Variants in MEF2A observed in about 807,000 individuals in gnomAD.
The protein encoded by MEF2A is myocyte-specific enhancer factor 2A.
A neutral mutation model predicts 55.8 loss-of-function variants in MEF2A; 28 were observed. The ratio of observed to expected loss-of-function variants is 0.50; its 90% CI spans 0.37 to 0.69. The LOEUF (loss-of-function observed/expected upper bound fraction) is 0.69, where lower values mean the gene tolerates loss of function less well. Ranked by LOEUF, MEF2A falls within the 30% of genes least tolerant of loss-of-function variation. The pLI is 0.00. For missense variants in MEF2A, 528 were observed against 626.2 expected (o/e 0.84, Z 1.67); for synonymous variants, 239 against 227.1 (o/e 1.05, Z -0.47).
intron 1 of MEF2A, among the ~76,000 whole-genome samples, chr15:99,592,520 T>G (rs1171324265): frequency 6.6e-6 from 1 of 152,186 alleles, no homozygotes; most frequent in African/African-American, 2.4e-5. Context: ...GGGAATAACT[T>G]AGACTGGATA....
chr15:99,663,289 A>AT (rs1219734071), intron 4 of MEF2A, among the ~76,000 whole-genome samples: 1 of 152,112 alleles, frequency 6.6e-6, no homozygotes, highest in African/African-American at 2.4e-5. Flanking sequence ...GATAATCCTG[A>AT]TTTATTTACT....
intron 2 of MEF2A, among the ~76,000 whole-genome samples, chr15:99,632,746 C>G (rs966096221): frequency 6.6e-6 from 1 of 152,114 alleles, no homozygotes; most frequent in African/African-American, 2.4e-5. Context: ...TTGAGAAAAC[C>G]TCAAACATTA....
intron 4 of MEF2A, among the ~76,000 whole-genome samples, chr15:99,652,947 T>C (rs2153523781): frequency 6.6e-6 from 1 of 152,346 alleles, no homozygotes; most frequent in East Asian, 1.9e-4. Flanking sequence ...AATAAGATGA[T>C]ATGCTGGCTA....
intron 4 of MEF2A, among the ~76,000 whole-genome samples, chr15:99,669,839 A>C (rs2050502089): frequency 6.6e-6 from 1 of 152,240 alleles, no homozygotes; most frequent in Non-Finnish European, 1.5e-5. Context: ...ATCATATTTT[A>C]AAGGATACTA....
At chr15:99,568,254 G>A (rs762991416) in intron 1 of MEF2A, among the ~76,000 whole-genome samples, 5 of 152,172 alleles carry the variant, frequency 3.3e-5, no homozygotes, top group Non-Finnish European at 7.4e-5. Context: ...ATGTCACCAT[G>A]TTGAATTATG....
intron 4 of MEF2A, among the ~76,000 whole-genome samples, chr15:99,667,914 T>C (rs1253595594): frequency 6.6e-6 from 1 of 152,242 alleles, no homozygotes; most frequent in Non-Finnish European, 1.5e-5. Flanking sequence ...AAGAGATATT[T>C]AGTTTTTTGG....
At chr15:99,582,277 G>A (rs954880486) in intron 1 of MEF2A, among the ~76,000 whole-genome samples, 1 of 152,084 alleles carries the variant, frequency 6.6e-6, no homozygotes, top group Non-Finnish European at 1.5e-5. Context: ...TTCTTTGATT[G>A]TTTGAAGGGA....
At chr15:99,641,017 C>T (rs770090483) in intron 3 of MEF2A, among the ~76,000 whole-genome samples, 4 of 152,086 alleles carry the variant, frequency 2.6e-5, no homozygotes, top group South Asian at 2.1e-4. Context: ...CCTGTGATCT[C>T]GCACGTATTT....
At chr15:99,693,074 C>G (rs2055800410) in intron 8 of MEF2A, among the ~76,000 whole-genome samples, 1 of 152,128 alleles carries the variant, frequency 6.6e-6, no homozygotes, top group African/African-American at 2.4e-5. Context: ...GGATATGAAG[C>G]TTGTGGTAGG....
intron 8 of MEF2A, among the ~76,000 whole-genome samples, chr15:99,697,065 AT>A (rs1052418797): frequency 1.0e-4 from 15 of 148,590 alleles, no homozygotes; most frequent in African/African-American, 3.4e-4. Context: ...AAAAAAAAAA[AT>A]CTCAATGAAC....
intron 8 of MEF2A, among the ~76,000 whole-genome samples, chr15:99,700,026 AT>A (rs2057160169): frequency 1.4e-5 from 2 of 141,562 alleles, no homozygotes; most frequent in Non-Finnish European, 3.1e-5. Flanking sequence ...GTGGAGACTA[AT>A]TTTTGTATTT....
intron 8 of MEF2A, among the ~76,000 whole-genome samples, chr15:99,699,268 T>C (rs2057002756): frequency 1.3e-5 from 2 of 152,222 alleles, no homozygotes; most frequent in South Asian, 2.1e-4. Context: ...ATAAACTGTT[T>C]ATTCACCCAG....
chr15:99,665,168 C>T lies in MEF2A; in HGVS notation c.259-6155C>T, dbSNP rs558041472. Among the ~76,000 whole-genome samples the T allele has an allele frequency of 2.8e-4, 43 of 152,248 alleles. No individual in the cohort carries two copies. In the East Asian group the frequency reaches 7.5e-3, roughly 27 times the overall value. ...TTGTAAAATAGCCTCATCAAAGAAA[C>T]GGAAGTGGATGTAACTAACCTAAAT... On this transcript the variant is annotated intron_variant, in intron 4 of 11. Transcript: ENST00000557942.
At chr15:99,601,543 A>G (rs1972981578) in intron 2 of MEF2A, among the ~76,000 whole-genome samples, 1 of 129,748 alleles carries the variant, frequency 7.7e-6, no homozygotes, top group Non-Finnish European at 1.6e-5. Context: ...TTTCACGAGT[A>G]GGTGTTGAAT....
At chr15:99,596,666 A>G (rs191047308) in intron 1 of MEF2A, among the ~76,000 whole-genome samples, 13 of 152,342 alleles carry the variant, frequency 8.5e-5, no homozygotes, top group Non-Finnish European at 1.6e-4. Context: ...GGATCATGCA[A>G]TTCTAAATTA....
At chr15:99,662,463 G>GT (rs2048813483) in intron 4 of MEF2A, among the ~76,000 whole-genome samples, 1 of 150,840 alleles carries the variant, frequency 6.6e-6, no homozygotes. Flanking sequence ...CTTAAGACAT[G>GT]ATTTCTTTTT....
intron 1 of MEF2A, chr15:99,566,441 T>C (rs4421955): frequency 3.8e-5 from 5 of 131,110 alleles, no homozygotes; most frequent in African/African-American, 6.1e-5. Context: ...GGCGGGCCGG[T>C]GGGGCTGGAT....
rs571338927 is a variant in MEF2A, at chr15:99,712,251, G to C, written c.1137-139G>C. On this transcript the variant is annotated intron_variant, in intron 11 of 11. Coordinates refer to ENST00000557942, the MANE Select transcript of MEF2A (RefSeq NM_001319206.4). This position sits in a 1 kb window ranked among gnomAD's most constrained non-coding sequence, Gnocchi z 4.1. ...TTTTGTGCCAAGCACTGAAGGAAAC[G>C]ACCCAAACCAGTCTTGGGGAACTCT... is the stretch of plus-strand genomic sequence containing the variant. 1.4e-5 allele frequency: 19 copies of C among 1,392,214 alleles called. No individual in the cohort carries two copies. The highest frequency in any genetic ancestry group is 2.2e-4 in the Middle Eastern group (1 of 4,532). 86.2% of individuals were successfully genotyped at this position (1,392,214 alleles called of 1,614,324 possible).
chr15:99,588,261 C>CGT (rs1320615965), intron 1 of MEF2A, among the ~76,000 whole-genome samples: 1 of 151,890 alleles, frequency 6.6e-6, no homozygotes, highest in East Asian at 1.9e-4. Flanking sequence ...GGACCACAGG[C>CGT]GTGTGCCACC....
Sources: allele counts gnomAD v4.1 joint callset (sites outside exome capture counted in the v4.1 genomes callset), GRCh38; gene constraint gnomAD v4.1.1; non-coding constraint Gnocchi (gnomAD v3.1); transcripts MANE v1.5; gene names NCBI Gene and HGNC (gene_info 2026-07-23, HGNC 2026-07-21).